The following POLD3 variants were observed in gnomAD, a reference collection of about 807,000 sequenced individuals.
POLD3 encodes DNA polymerase delta subunit 3.
A neutral mutation model predicts 58.2 loss-of-function variants in POLD3; 19 were observed. The ratio of observed to expected loss-of-function variants is 0.33; its 90% CI spans 0.23 to 0.48. POLD3 has a LOEUF of 0.48. POLD3 is among the 20% of genes least tolerant of loss of function. The pLI is 0.99. For synonymous variants in POLD3, 172 were observed against 193.5 expected, an observed-to-expected ratio of 0.89 and a Z score of 0.92; for missense variants, 504 against 545.5, an observed-to-expected ratio of 0.92 and a Z score of 0.76.
chr11:74,640,752 T>C lies in POLD3; in HGVS notation c.1387T>C (p.Phe463Leu). Reference sequence around the variant, plus strand: ...CAGACAGGTGTCCATTACTGGCTTCTTCCAGAGGAAATAAACTGCCATCTC... The same window carrying C: ...CAGACAGGTGTCCATTACTGGCTTCCTCCAGAGGAAATAAACTGCCATCTC... Reference protein sequence around the residue: ...ANRQVSITGFFQRK With the variant: ...ANRQVSITGFLQRK The change falls in exon 12 of 12, where the codon TTC (phenylalanine) becomes CTC (leucine). Residue 463 changes from phenylalanine (F) to leucine (L), a missense_variant. By Grantham distance (22) the Phe-to-Leu change is conservative. Transcript: ENST00000263681. The C allele has an allele frequency of 6.3e-7, 1 of 1,590,540 alleles. No individual in the cohort carries two copies. Among genetic ancestry groups the C allele is most frequent in the Non-Finnish European group, 8.5e-7 (1 of 1,171,856 alleles).
downstream of POLD3, among the ~76,000 whole-genome samples, chr11:74,645,363 G>A (rs1164834147): frequency 6.6e-6 from 1 of 152,130 alleles, no homozygotes; most frequent in Non-Finnish European, 1.5e-5. Flanking sequence ...GAGTATTGAC[G>A]AGAAAGCAAG....
intron 4 of POLD3, among the ~76,000 whole-genome samples, chr11:74,656,016 A>G (rs141608217): frequency 3.3e-5 from 5 of 152,376 alleles, no homozygotes; most frequent in East Asian, 1.9e-4. Context: ...ACAAGATTCA[A>G]TCTTTTGTAT....
At chr11:74,615,915 G>A (rs2032067628) in intron 5 of POLD3, among the ~76,000 whole-genome samples, 1 of 151,866 alleles carries the variant, frequency 6.6e-6, no homozygotes, top group South Asian at 2.1e-4. Flanking sequence ...AAAACCTTGA[G>A]TATAATAAGC....
chr11:74,603,147 G>C (rs1459914910), intron 2 of POLD3, among the ~76,000 whole-genome samples: 2 of 152,278 alleles, frequency 1.3e-5, no homozygotes, highest in African/African-American at 4.8e-5. Context: ...TCCCTAAGGC[G>C]TAGAACATAA....
In POLD3 at chr11:74,659,362, C is replaced by T. The variant is rs963151980; in HGVS notation, c.370-9415C>T. 4.6e-5 allele frequency among the ~76,000 whole-genome samples: 7 copies of T among 152,044 alleles called. No individual in the cohort carries two copies. In the South Asian group the frequency reaches 8.3e-4, roughly 18 times the overall value. ...CTGGGCCTGTGATGGGAGGGGCTGCCGTAAAGGTCTCTGACATGACCTAGA... is the reference window on the plus strand; with the variant it reads ...CTGGGCCTGTGATGGGAGGGGCTGCTGTAAAGGTCTCTGACATGACCTAGA... On this transcript the variant is annotated intron_variant, in intron 4 of 4. Transcript: ENST00000524752.
Position 74,618,532 on chromosome 11 carries a change from C to T in POLD3, c.393-5C>T. 1 of 1,590,538 alleles carries T rather than the reference C, an allele frequency of 6.3e-7. No individual in the cohort carries two copies. Among genetic ancestry groups the T allele is most frequent in the South Asian group, 1.1e-5 (1 of 88,776 alleles). ...ATTAACTTAATGTAACATTTCTGTC[C>T]CCAGATTTAGTGCTATACAATGTGC... On this transcript the variant is annotated splice_region_variant and splice_polypyrimidine_tract_variant and intron_variant, in intron 5 of 11. Transcript: ENST00000263681.
In POLD3 at chr11:74,604,696, C is replaced by T. The variant is rs374488781; in HGVS notation, c.121C>T (p.Leu41=). Residue 41 remains leucine, a synonymous_variant, in exon 3 of 12, where the codon CTG becomes TTG. Transcript: ENST00000263681. ...GCCTTCTTTTCTTTGGAATAGGATG[C>T]TGTATGATTATGTTGAAAGGAAACG... ...GVHVNQAKQM[L]YDYVERKRKE... 1.1e-5 allele frequency: 17 copies of T among 1,567,672 alleles called. No homozygotes were observed. Among genetic ancestry groups the T allele is most frequent in the Non-Finnish European group, 1.5e-5 (17 of 1,137,768 alleles).
intron 5 of POLD3, among the ~76,000 whole-genome samples, chr11:74,615,403 G>A (rs1407138118): frequency 6.6e-6 from 1 of 152,172 alleles, no homozygotes; most frequent in Non-Finnish European, 1.5e-5. Context: ...AGTCAACAAT[G>A]TCAAACAATG....
intron 4 of POLD3, among the ~76,000 whole-genome samples, chr11:74,664,338 C>T (rs1565136710): frequency 6.6e-6 from 1 of 152,114 alleles, no homozygotes; most frequent in Non-Finnish European, 1.5e-5. Flanking sequence ...ATGTTCATAG[C>T]AGCTTTATTC....
At chr11:74,649,038 T>C (rs2033035748) in intron 4 of POLD3, among the ~76,000 whole-genome samples, 1 of 152,174 alleles carries the variant, frequency 6.6e-6, no homozygotes, top group Admixed American at 6.5e-5. Context: ...GGCTCTTGCC[T>C]GAGCCATGGT....
intron 4 of POLD3, among the ~76,000 whole-genome samples, chr11:74,654,456 G>T (rs138093139): frequency 1.3e-5 from 2 of 152,250 alleles, no homozygotes; most frequent in African/African-American, 4.8e-5. Flanking sequence ...TGTAATTTAG[G>T]GGAATATAGA....
chr11:74,625,978 T>C (rs527988546), intron 8 of POLD3, among the ~76,000 whole-genome samples: 1 of 152,164 alleles, frequency 6.6e-6, no homozygotes, highest in African/African-American at 2.4e-5. Context: ...TTTGTTTTCT[T>C]TTTATATCAA....
At chr11:74,630,173 C>CA (rs2032550151) in intron 9 of POLD3, among the ~76,000 whole-genome samples, 1 of 151,546 alleles carries the variant, frequency 6.6e-6, no homozygotes, top group Non-Finnish European at 1.5e-5. Context: ...ATAATGAATG[C>CA]AAAAAAGGAA....
chr11:74,634,030 A>G (rs1420396558), intron 9 of POLD3, among the ~76,000 whole-genome samples: 2 of 152,218 alleles, frequency 1.3e-5, no homozygotes, highest in African/African-American at 2.4e-5. Flanking sequence ...AACATTTGTT[A>G]TAACCTGAGG....
chr11:74,623,310 C>G (rs1347539343), intron 7 of POLD3, among the ~76,000 whole-genome samples: 2 of 152,124 alleles, frequency 1.3e-5, no homozygotes, highest in South Asian at 2.1e-4. Context: ...TGGTGGGCGC[C>G]TGTAGTCCCA....
intron 11 of POLD3, among the ~76,000 whole-genome samples, chr11:74,639,787 CA>C (rs1245135602): frequency 2.0e-5 from 3 of 152,186 alleles, no homozygotes; most frequent in Admixed American, 6.5e-5. Context: ...GTTTTAATAG[CA>C]GGGGAAAAGC....
chr11:74,636,665 CT>C (rs796129315), intron 11 of POLD3, among the ~76,000 whole-genome samples: 6 of 149,166 alleles, frequency 4.0e-5, no homozygotes, highest in Non-Finnish European at 6.0e-5. Flanking sequence ...CATTGAGAAG[CT>C]TTTTTTTTTC....
intron 3 of POLD3, 96 bp from the exon 4 acceptor site, chr11:74,611,403 T>C: frequency 1.3e-6 from 1 of 740,986 alleles, no homozygotes; most frequent in Non-Finnish European, 2.4e-6. Context: ...GGTGTTTTCC[T>C]AATTTCACAT....
At chr11:74,634,560 C>G (rs1310467630) in intron 9 of POLD3, 23 bp from the exon 10 acceptor site, 8 of 1,263,588 alleles carry the variant, frequency 6.3e-6, no homozygotes, top group Non-Finnish European at 9.3e-6. Context: ...GTTCTCTGAT[C>G]TAAGTCCGTT....
Sources: allele counts gnomAD v4.1 joint callset (sites outside exome capture counted in the v4.1 genomes callset), GRCh38; gene constraint gnomAD v4.1.1; transcripts MANE v1.5; gene names NCBI Gene and HGNC (gene_info 2026-07-23, HGNC 2026-07-21).